Variants in SLC1A2 observed in about 807,000 individuals in gnomAD.
The protein encoded by SLC1A2 is solute carrier family 1 member 2, also known as excitatory amino acid transporter 2.
A neutral mutation model predicts 48.8 loss-of-function variants in SLC1A2; 15 were observed. The ratio of observed to expected loss-of-function variants is 0.31; its 90% CI spans 0.21 to 0.47. The LOEUF (loss-of-function observed/expected upper bound fraction) is 0.47. SLC1A2 is among the 20% of genes least tolerant of loss of function. The probability of loss-of-function intolerance (pLI) is 0.99; values close to 1 mark genes in which losing one functional copy is unlikely to be tolerated. For missense variants in SLC1A2, 502 were observed against 730.5 expected, an observed-to-expected ratio of 0.69 and a Z score of 3.61; for synonymous variants, 279 against 272.6, an observed-to-expected ratio of 1.02 and a Z score of -0.23.
At chr11:35,342,975 A>T (rs1004124209) in intron 1 of SLC1A2, among the ~76,000 whole-genome samples, 1 of 152,204 alleles carries the variant, frequency 6.6e-6, no homozygotes, top group Non-Finnish European at 1.5e-5. Flanking sequence ...AACTACTAGG[A>T]CATCTTTTCC....
intron 1 of SLC1A2, among the ~76,000 whole-genome samples, chr11:35,386,522 T>C (rs1444846772): frequency 2.6e-5 from 4 of 152,232 alleles, no homozygotes; most frequent in Non-Finnish European, 5.9e-5. Context: ...ATTTCAAGCA[T>C]CTTCTTTTGA....
At chr11:35,287,530 C>G (rs1462452101) in intron 7 of SLC1A2, among the ~76,000 whole-genome samples, 1 of 152,196 alleles carries the variant, frequency 6.6e-6, no homozygotes, top group Non-Finnish European at 1.5e-5. Flanking sequence ...CACTGGGGAA[C>G]CTCACAGATA....
intron 9 of SLC1A2, among the ~76,000 whole-genome samples, chr11:35,271,758 G>A (rs1038090781): frequency 6.6e-5 from 10 of 152,130 alleles, no homozygotes; most frequent in East Asian, 1.9e-4. Context: ...TGGGAGAATC[G>A]CTTGGGCCTG....
In SLC1A2 at chr11:35,360,972, C is replaced by A. The variant is rs886350423; in HGVS notation, c.18-43456G>T. Among the ~76,000 whole-genome samples, 3 of 151,982 alleles carry A rather than the reference C, an allele frequency of 2.0e-5. No individual in the cohort carries two copies. The South Asian group carries it at 6.3e-4, about 32-fold the overall frequency. On this transcript the variant is annotated intron_variant, in intron 1 of 10. Coordinates refer to ENST00000278379, the MANE Select transcript of SLC1A2 (RefSeq NM_004171.4). ...CCCACTGCAACGTCCACCTCCCGGG[C>A]TCAAGTGATTTTCCTGTCTCAGCCT...
chr11:35,264,113 T>C (rs1405146552), intron 10 of SLC1A2: 25 of 152,232 alleles, frequency 1.6e-4, no homozygotes, highest in Admixed American at 1.6e-3. Context: ...ATTAATAAAC[T>C]TGTGCAATTG....
At chr11:35,347,005 G>A (rs1853061847) in intron 1 of SLC1A2, among the ~76,000 whole-genome samples, 1 of 152,204 alleles carries the variant, frequency 6.6e-6, no homozygotes, top group Non-Finnish European at 1.5e-5. Context: ...AAAGGGAGGA[G>A]TTTAGACTTT....
chr11:35,393,551 C>T (rs1470762777), intron 1 of SLC1A2, among the ~76,000 whole-genome samples: 4 of 152,184 alleles, frequency 2.6e-5, no homozygotes, highest in Non-Finnish European at 5.9e-5. Context: ...CACTTCTTTC[C>T]ACTGCCTATT....
intron 9 of SLC1A2, among the ~76,000 whole-genome samples, chr11:35,272,167 T>C (rs1429703990): frequency 6.6e-6 from 1 of 152,036 alleles, no homozygotes; most frequent in Non-Finnish European, 1.5e-5. Context: ...GAGGGAATAA[T>C]TGATGAAGTT....
intron 1 of SLC1A2, among the ~76,000 whole-genome samples, chr11:35,385,978 T>C (rs963250319): frequency 1.3e-5 from 2 of 151,990 alleles, no homozygotes; most frequent in Non-Finnish European, 2.9e-5. Context: ...CCATCCTGGC[T>C]AACATGGTGA....
intron 1 of SLC1A2, among the ~76,000 whole-genome samples, chr11:35,335,816 G>A (rs376610782): frequency 6.6e-6 from 1 of 151,854 alleles, no homozygotes; most frequent in Non-Finnish European, 1.5e-5. Flanking sequence ...CAAAAATTAG[G>A]TAGTCTCATA....
At chr11:35,358,337 T>A (rs1015216113) in intron 1 of SLC1A2, among the ~76,000 whole-genome samples, 5 of 152,240 alleles carry the variant, frequency 3.3e-5, no homozygotes, top group African/African-American at 1.2e-4. Context: ...TGCTCTGCAA[T>A]GAGCATGTAG....
At chr11:35,281,701 A>G (rs4756206) in intron 8 of SLC1A2, 50,550 of 151,916 alleles carry the variant, frequency 0.33, 9,350 homozygotes, top group South Asian at 0.53. Context: ...ACCCAGCACC[A>G]TTTTGAAGTT....
intron 1 of SLC1A2, among the ~76,000 whole-genome samples, chr11:35,323,750 C>A (rs1299688148): frequency 6.6e-6 from 1 of 152,226 alleles, no homozygotes; most frequent in African/African-American, 2.4e-5. Context: ...GCAACAATAA[C>A]AACAACCATT....
At chr11:35,322,627 C>A in intron 1 of SLC1A2, 1 of 1,535,226 alleles carries the variant, frequency 6.5e-7, no homozygotes, top group African/African-American at 1.4e-5. Context: ...TGGAGAGGTA[C>A]TGGGGAGATA....
At chr11:35,325,247 C>T (rs544442025) in intron 1 of SLC1A2, among the ~76,000 whole-genome samples, 1 of 152,314 alleles carries the variant, frequency 6.6e-6, no homozygotes, top group South Asian at 2.1e-4. Context: ...CCTTCTTAGA[C>T]CAACTTTTAT....
At chr11:35,392,866 A>G (rs1170115690) in intron 1 of SLC1A2, among the ~76,000 whole-genome samples, 1 of 152,220 alleles carries the variant, frequency 6.6e-6, no homozygotes, top group Non-Finnish European at 1.5e-5. Context: ...TCTCAACTTT[A>G]GGTGTTTCAG....
At chr11:35,362,155 A>T (rs1415203525) in intron 1 of SLC1A2, among the ~76,000 whole-genome samples, 1 of 152,192 alleles carries the variant, frequency 6.6e-6, no homozygotes, top group Non-Finnish European at 1.5e-5. Flanking sequence ...TCTACCCCAG[A>T]CAGCAGATGC....
intron 1 of SLC1A2, chr11:35,392,213 T>A (rs1854796899): frequency 1.3e-5 from 2 of 152,232 alleles, no homozygotes; most frequent in Admixed American, 1.3e-4. Context: ...AAAAAATGCA[T>A]TGCTTGCGTA....
chr11:35,349,451 T>C (rs1407410092), intron 1 of SLC1A2, among the ~76,000 whole-genome samples: 2 of 152,212 alleles, frequency 1.3e-5, no homozygotes, highest in Non-Finnish European at 2.9e-5. Context: ...CCAGGAATTC[T>C]GATGTGTACA....
Sources: allele counts gnomAD v4.1 joint callset (sites outside exome capture counted in the v4.1 genomes callset), GRCh38; gene constraint gnomAD v4.1.1; transcripts MANE v1.5; gene names NCBI Gene and HGNC (gene_info 2026-07-23, HGNC 2026-07-21).